Variants in ADPRHL1 observed in about 807,000 individuals in gnomAD.
The protein encoded by ADPRHL1 is inactive ADP-ribosyltransferase ARH2.
ADPRHL1 carries 43 observed loss-of-function variants against 44.1 expected under a neutral mutation model. The ratio of observed to expected loss-of-function variants is 0.98; its 90% CI spans 0.76 to 1.26. ADPRHL1 has a LOEUF of 1.26. ADPRHL1 is among the 50% of genes most tolerant of loss of function. The pLI is 0.00. For synonymous variants in ADPRHL1, 878 were observed against 1,017.4 expected (o/e 0.86, Z 2.61); for missense variants, 2,022 against 2,496.9 (o/e 0.81, Z 4.05).
rs1228844606 is a variant in ADPRHL1 at position 113,407,470 on chromosome 13, C to G, written c.1812G>C (p.Lys604Asn). The G allele has an allele frequency of 4.1e-6, 5 of 1,232,108 alleles. No homozygotes were observed. Among genetic ancestry groups the G allele is most frequent in the Non-Finnish European group, 4.0e-6 (4 of 988,036 alleles). The allele number at this position is 1,232,108 out of a possible 1,614,324, so 76.3% of individuals were successfully genotyped here. A position where few individuals can be genotyped will look rare whatever the true frequency, so the allele number is the denominator to read the frequency against. The change falls in exon 8 of 8, where the codon AAG (lysine) becomes AAC (asparagine). Residue 604 changes from lysine (K) to asparagine (N), a missense_variant. This residue lies in a region of ADPRHL1 where 1,221 missense variants were observed against 1,517.8 expected (regional missense o/e 0.80). Coordinates refer to ENST00000612156, the MANE Select transcript of ADPRHL1 (RefSeq NM_001394807.1). ...HTATMASTCV[K>N]MPPARFLACT... Reference sequence around the variant, plus strand: ...AGGCCAGAAAGCGGGCAGGGGGCATCTTGACGCAGGTGCTGGCCATGGTGG... The same window carrying G: ...AGGCCAGAAAGCGGGCAGGGGGCATGTTGACGCAGGTGCTGGCCATGGTGG...
At position 113,404,376 on chromosome 13, in the gene ADPRHL1, C is replaced by T. The variant is rs1296786678; in HGVS notation, c.4906G>A (p.Ala1636Thr). 1 of 1,322,726 alleles carries T rather than the reference C, an allele frequency of 7.6e-7. No homozygotes were observed. Among genetic ancestry groups the T allele is most frequent in the East Asian group, 3.0e-5 (1 of 32,846 alleles). The allele number at this position is 1,322,726 out of a possible 1,614,324, so 81.9% of individuals were successfully genotyped here. Residue 1636 changes from alanine to threonine, a missense_variant, in exon 8 of 8, where the codon GCT becomes ACT. By Grantham distance (58) the Ala-to-Thr change is moderately conservative (BLOSUM62 0). Coordinates refer to ENST00000612156, the MANE Select transcript of ADPRHL1 (RefSeq NM_001394807.1). Reference protein sequence around the residue: ...KWAQEQTQKGAQERVQGQAQK... With the variant: ...KWAQEQTQKGTQERVQGQAQK... ...GCCTGACCCTGAACCCGTTCCTGAG[C>T]CCCTTTCTGGGTCTGTTCCTGAGCC...
rs1296623243 is a variant in ADPRHL1 at position 113,407,887 on chromosome 13, G to A, written c.1395C>T (p.Gly465=). 1.9e-5 allele frequency: 23 copies of A among 1,231,838 alleles called. No homozygotes were observed. Among genetic ancestry groups the A allele is most frequent in the Non-Finnish European group, 2.2e-5 (22 of 987,996 alleles). The allele number at this position is 1,231,838 out of a possible 1,614,324, so 76.3% of individuals were successfully genotyped here. A position where few individuals can be genotyped will look rare whatever the true frequency, so the allele number is the denominator to read the frequency against. ...GCTTGTTGATGGTGGCACCCACGAGGCCCCCACCCGGCCCCTGCTTGTCCT... is the reference window on the plus strand; with the variant it reads ...GCTTGTTGATGGTGGCACCCACGAGACCCCCACCCGGCCCCTGCTTGTCCT... ...ISKDKQGPGG[G]LVGATINKLL... is the part of the protein sequence containing the mutation. The change falls in exon 8 of 8, where the codon GGC becomes GGT. Residue 465 remains glycine, a synonymous_variant. Coordinates refer to ENST00000612156, the MANE Select transcript of ADPRHL1 (RefSeq NM_001394807.1).
In ADPRHL1 at chr13:113,453,168, C is replaced by T. The variant is rs1171211836; in HGVS notation, c.214+56G>A. On this transcript the variant is annotated intron_variant, in intron 1 of 7. Transcript: ENST00000612156. This position sits in a 1 kb window ranked among gnomAD's most constrained non-coding sequence, Gnocchi z 5.4. The stretch of plus-strand genomic sequence containing the variant: ...CTCTCGGAGGCTTACTGGGAGAACT[C>T]GAGCAGCCAGTGTTCCCTCCAGCCC... The T allele has an allele frequency of 1.7e-5, 27 of 1,591,588 alleles. No individual in the cohort carries two copies. The highest frequency in any genetic ancestry group is 3.8e-4 in the Middle Eastern group (2 of 5,238).
Position 113,406,623 on chromosome 13 carries a change from GA to G in ADPRHL1, c.2658del (p.Thr888ProfsTer2). 4.9e-6 allele frequency: 6 copies of G among 1,231,974 alleles called. No individual in the cohort carries two copies. The highest frequency in any genetic ancestry group is 6.1e-6 in the Non-Finnish European group (6 of 987,976). 76.3% of individuals were successfully genotyped at this position (1,231,974 alleles called of 1,614,324 possible). A position where few individuals can be genotyped will look rare whatever the true frequency, so the allele number is the denominator to read the frequency against. Reference sequence around the variant, plus strand: ...CCCCTTCTGTTCTCAGTCACGGTGGGAAATTCTGTGTGGGCATTTTCAACCA... The same window carrying G: ...CCCCTTCTGTTCTCAGTCACGGTGGGAATTCTGTGTGGGCATTTTCAACCA... ...ENVVENAHTE[F>X]PTVTENRRGH... On this transcript the variant is annotated frameshift_variant, in exon 8 of 8. Transcript: ENST00000612156. LOFTEE classifies it low-confidence loss of function (END_TRUNC).
chr13:113,406,468 A>C lies in ADPRHL1; in HGVS notation c.2814T>G (p.Ser938Arg). Residue 938 changes from serine to arginine, a missense_variant, in exon 8 of 8, where the codon AGT becomes AGG. Physicochemically the swap from Ser to Arg is moderately radical, Grantham distance 110 (BLOSUM62 -1). Transcript: ENST00000612156. ...TCTGTGTCAGAAGTGTCTCTGGGAC[A>C]CTGTGGTCGGCGCCCACAGCCCCTC... The part of the protein sequence containing the change: ...AARGAVGADH[S>R]VPETLLTQRL... 1 of 1,231,916 alleles carries C rather than the reference A, an allele frequency of 8.1e-7. No homozygotes were observed. Among genetic ancestry groups the C allele is most frequent in the South Asian group, 4.1e-5 (1 of 24,322 alleles). The allele number at this position is 1,231,916 out of a possible 1,614,324, so 76.3% of individuals were successfully genotyped here. A position where few individuals can be genotyped will look rare whatever the true frequency, so the allele number is the denominator to read the frequency against.
At chr13:113,443,789 C>CA (rs1487591768) in intron 2 of ADPRHL1, among the ~76,000 whole-genome samples, 3 of 151,788 alleles carry the variant, frequency 2.0e-5, no homozygotes, top group Non-Finnish European at 4.4e-5. Context: ...TACTAAAACA[C>CA]AAAATTAGCA....
At chr13:113,428,859 C>T (rs996471677) in intron 4 of ADPRHL1, 93 bp downstream of exon 4, 47 of 1,563,654 alleles carry the variant, frequency 3.0e-5, no homozygotes, top group Middle Eastern at 1.7e-4. Context: ...CATCTAAGAG[C>T]GAAAGTGCCT....
intron 1 of ADPRHL1, among the ~76,000 whole-genome samples, chr13:113,450,957 C>CCCG (rs1555328345): frequency 1.3e-5 from 2 of 151,482 alleles, no homozygotes; most frequent in African/African-American, 4.9e-5. Context: ...GGGAGACCCC[C>CCCG]CCCCCCTTCC....
rs545927454 is a variant in ADPRHL1, at chr13:113,443,884, A to C, written c.379+541T>G. 5.9e-5 allele frequency among the ~76,000 whole-genome samples: 9 copies of C among 151,948 alleles called. 1 individual carries two copies. The South Asian group carries it at 1.9e-3, about 32-fold the overall frequency. ...CCTGAACCCGGGAGGCGGAGGTTGC[A>C]GTGACCCAAGATCGCACCACTGCAC... On this transcript the variant is annotated intron_variant, in intron 2 of 7. Transcript: ENST00000612156.
At chr13:113,425,013 G>T in intron 5 of ADPRHL1, 39 bp downstream of exon 5, 1 of 1,611,584 alleles carries the variant, frequency 6.2e-7, no homozygotes, top group Non-Finnish European at 8.5e-7. Flanking sequence ...AGCACCACTG[G>T]TGTGCCAGAC....
At chr13:113,450,103 A>C (rs1467710271) in intron 1 of ADPRHL1, among the ~76,000 whole-genome samples, 2 of 152,176 alleles carry the variant, frequency 1.3e-5, no homozygotes, top group African/African-American at 2.4e-5. Context: ...CGTTTTGTAG[A>C]GATGGAGTCT....
intron 2 of ADPRHL1, 26 bp from the exon 3 acceptor site, chr13:113,433,893 T>C: frequency 6.6e-7 from 1 of 1,520,486 alleles, no homozygotes; most frequent in Non-Finnish European, 8.9e-7. Flanking sequence ...AGAGCTAGTT[T>C]AGACTTCTGC....
intron 6 of ADPRHL1, 105 bp downstream of exon 6, chr13:113,424,112 A>C: frequency 6.9e-7 from 1 of 1,452,972 alleles, no homozygotes; most frequent in Non-Finnish European, 9.3e-7. Flanking sequence ...GCTGGAGCTC[A>C]GGAGGTGGCC....
intron 7 of ADPRHL1, among the ~76,000 whole-genome samples, chr13:113,417,713 T>A (rs572040806): frequency 2.0e-5 from 3 of 152,390 alleles, no homozygotes; most frequent in African/African-American, 7.2e-5. Flanking sequence ...GATAACTTAT[T>A]TCTGTGTGTT....
chr13:113,428,016 A>G (rs2043979246), intron 4 of ADPRHL1, among the ~76,000 whole-genome samples: 1 of 152,250 alleles, frequency 6.6e-6, no homozygotes. Context: ...CTGTAATCCC[A>G]GCACTTGGGA....
At chr13:113,417,829 G>GTGTTA (rs2139609850) in intron 7 of ADPRHL1, among the ~76,000 whole-genome samples, 1 of 152,258 alleles carries the variant, frequency 6.6e-6, no homozygotes. Flanking sequence ...GAGCTGCAGT[G>GTGTTA]CCTGCACTGA....
At chr13:113,437,990 C>T (rs1243534876) in intron 2 of ADPRHL1, among the ~76,000 whole-genome samples, 1 of 152,170 alleles carries the variant, frequency 6.6e-6, no homozygotes, top group Non-Finnish European at 1.5e-5. Flanking sequence ...ACCACCATGC[C>T]TGGCTAGTTT....
chr13:113,433,746 G>T lies in ADPRHL1; in HGVS notation c.501C>A (p.Pro167=). The T allele has an allele frequency of 6.3e-7, 1 of 1,589,894 alleles. No individual in the cohort carries two copies. Among genetic ancestry groups the T allele is most frequent in the Non-Finnish European group, 8.5e-7 (1 of 1,171,652 alleles). Residue 167 remains proline, a synonymous_variant, in exon 3 of 8, where the codon CCC becomes CCA. Coordinates refer to ENST00000612156, the MANE Select transcript of ADPRHL1 (RefSeq NM_001394807.1). ...VECGRMTHNH[P]TGFLGSLCTA... ...CCACCCCCCGCCCACACTTACCTGTGGGATGGTTGTGGGTCATCCGGCCGC... is the reference window on the plus strand; with the variant it reads ...CCACCCCCCGCCCACACTTACCTGTTGGATGGTTGTGGGTCATCCGGCCGC...
chr13:113,451,578 T>C (rs1038257535), intron 1 of ADPRHL1, among the ~76,000 whole-genome samples: 2 of 152,084 alleles, frequency 1.3e-5, no homozygotes, highest in South Asian at 2.1e-4. Flanking sequence ...GAAGCTGAGG[T>C]GGGTGGATCA....
Sources: gnomAD v4.1 joint callset for allele counts (sites outside exome capture counted in the v4.1 genomes callset) on GRCh38, gnomAD v4.1.1 for gene constraint, gnomAD v4.1.1 regional missense constraint, Gnocchi (gnomAD v3.1) non-coding constraint, MANE v1.5 for transcripts, NCBI Gene and HGNC (gene_info 2026-07-23, HGNC 2026-07-21) for gene names.